The following P2RX1 variants were observed in gnomAD, a reference collection of about 807,000 sequenced individuals.
The protein encoded by P2RX1 is P2X purinoceptor 1.
A neutral mutation model predicts 50.3 loss-of-function variants in P2RX1; 42 were observed. The ratio of observed to expected loss-of-function variants is 0.83; its 90% CI spans 0.65 to 1.08. P2RX1 has a LOEUF of 1.08. P2RX1 is among the 50% of genes least tolerant of loss of function. The pLI is 0.00. For missense variants in P2RX1, 449 were observed against 529.0 expected (o/e 0.85, Z 1.48); for synonymous variants, 199 against 202.6 (o/e 0.98, Z 0.15).
At position 3,897,649 on chromosome 17, in the gene P2RX1, C is replaced by T; in HGVS notation, c.*165G>A. 1.5e-6 allele frequency: 1 copy of T among 678,214 alleles called. No individual in the cohort carries two copies. Among genetic ancestry groups the T allele is most frequent in the Non-Finnish European group, 2.6e-6 (1 of 379,088 alleles). The allele number at this position is 678,214 out of a possible 1,614,324, so 42.0% of individuals were successfully genotyped here. ...GGGTCGGAGCCGGAGCTCAGATTTG[C>T]ACAGGTCTCTCCTACTATGCACCCT... On this transcript the variant is annotated 3_prime_UTR_variant, in exon 12 of 12. Transcript: ENST00000225538.
intron 9 of P2RX1, 147 bp from the exon 10 acceptor site, chr17:3,898,696 G>A (rs2056079226): frequency 1.6e-5 from 12 of 753,502 alleles, no homozygotes; most frequent in Admixed American, 1.4e-4. Flanking sequence ...CTGCTGGTCA[G>A]TAGACCTGGG....
chr17:3,904,559 C>T lies in P2RX1; in HGVS notation c.358-160G>A, dbSNP rs1289411028. On this transcript the variant is annotated intron_variant, in intron 3 of 11. Transcript: ENST00000225538. ...AGCCTCCTTCCCCCATTTCCCCCCACACTGCTCTGCCGAGGCGCCCCCCGG... is the reference window on the plus strand; with the variant it reads ...AGCCTCCTTCCCCCATTTCCCCCCATACTGCTCTGCCGAGGCGCCCCCCGG... 7.1e-6 allele frequency: 5 copies of T among 708,052 alleles called. No homozygotes were observed. In the African/African-American group the frequency reaches 9.7e-5, roughly 14 times the overall value. 43.9% of individuals were successfully genotyped at this position (708,052 alleles called of 1,614,324 possible). A position where few individuals can be genotyped will look rare whatever the true frequency, so the allele number is the denominator to read the frequency against.
chr17:3,904,390 C>G lies in P2RX1; in HGVS notation c.367G>C (p.Gly123Arg), dbSNP rs767105665. ...CCACTGTCTTCCTTGCATATGCCCC[C>G]TTCTGGGTGCTGGGGGAGGCAAAAG... is the stretch of plus-strand genomic sequence containing the variant. ...TQGYCAEHPE[G>R]GICKEDSGCT... Residue 123 changes from glycine to arginine, a missense_variant, in exon 4 of 12, where the codon GGG (glycine) becomes CGG (arginine). By Grantham distance (125) the Gly-to-Arg change is moderately radical. Coordinates refer to ENST00000225538, the MANE Select transcript of P2RX1 (RefSeq NM_002558.4). 2 of 1,613,852 alleles carry G rather than the reference C, an allele frequency of 1.2e-6. No individual in the cohort carries two copies. The highest frequency in any genetic ancestry group is 3.3e-5 in the Admixed American group (2 of 59,988).
At chr17:3,904,491 G>T (rs936875136) in intron 3 of P2RX1, 92 bp from the exon 4 acceptor site, 4 of 1,090,830 alleles carry the variant, frequency 3.7e-6, no homozygotes, top group Non-Finnish European at 5.5e-6. Flanking sequence ...TAGGGAGAGC[G>T]TGGGGCAGAG....
Position 3,914,380 on chromosome 17 carries a change from A to G in P2RX1, c.137+1709T>C, listed in dbSNP as rs2056414801. Among the ~76,000 whole-genome samples, 1 of 151,806 alleles carries G rather than the reference A, an allele frequency of 6.6e-6. No homozygotes were observed. Among genetic ancestry groups the G allele is most frequent in the Admixed American group, 6.6e-5 (1 of 15,232 alleles). On this transcript the variant is annotated intron_variant, in intron 1 of 11. Coordinates refer to ENST00000225538, the MANE Select transcript of P2RX1 (RefSeq NM_002558.4). This position sits in a 1 kb window ranked among gnomAD's most constrained non-coding sequence, Gnocchi z 4.1. ...TAGTGAGGTCCCCGTCACTGGAGGT[A>G]TAGGTTCCCGGCTGGGCAGCAGCTT...
At chr17:3,909,140 C>T (rs2056319288) in intron 1 of P2RX1, among the ~76,000 whole-genome samples, 1 of 152,104 alleles carries the variant, frequency 6.6e-6, no homozygotes, top group South Asian at 2.1e-4. Context: ...AAGCAATTCT[C>T]CCACCTCAAC....
chr17:3,904,162 CAGGCCA>C, intron 4 of P2RX1, 138 bp from the exon 5 acceptor site: 1 of 991,874 alleles, frequency 1.0e-6, no homozygotes, highest in South Asian at 1.3e-5. Flanking sequence ...CCCGGACGGG[CAGGCCA>C]AGCCAGGGCG....
At position 3,905,360 on chromosome 17, in the gene P2RX1, A is replaced by G. The variant is rs1459638385; in HGVS notation, c.145T>C (p.Phe49Leu). The change falls in exon 2 of 12, where the codon TTT (phenylalanine) becomes CTT (leucine). Residue 49 changes from phenylalanine (F) to leucine (L), a missense_variant. Transcript: ENST00000225538. Reference protein sequence around the residue: ...VVLVYVIGWVFLYEKGYQTSS... With the variant: ...VVLVYVIGWVLLYEKGYQTSS... ...GTCTGGTAGCCCTTCTCATAGAGAA[A>G]CACCCACCTGTGCGGGTGGGGACAG... The G allele has an allele frequency of 1.9e-6, 3 of 1,613,502 alleles. No individual in the cohort carries two copies. The highest frequency in any genetic ancestry group is 1.1e-5 in the South Asian group (1 of 91,088).
intron 10 of P2RX1, 84 bp downstream of exon 10, chr17:3,898,400 G>T: frequency 1.8e-6 from 2 of 1,087,626 alleles, no homozygotes; most frequent in East Asian, 2.5e-5. Context: ...TCAAGTTTTA[G>T]GGTGAGGGAC....
At position 3,911,885 on chromosome 17, in the gene P2RX1, G is replaced by A. The variant is rs531840991; in HGVS notation, c.137+4204C>T. 9.2e-4 allele frequency among the ~76,000 whole-genome samples: 140 copies of A among 152,198 alleles called. 1 individual carries two copies. The highest frequency in any genetic ancestry group is 2.6e-3 in the African/African-American group (108 of 41,512). On this transcript the variant is annotated intron_variant, in intron 1 of 11. Transcript: ENST00000225538. ...CAGGCTCCTCCAATCAGGGCATTCC[G>A]TTTCCTTGACTGCAATGATTGATTG...
rs1238466015 is a variant in P2RX1, at chr17:3,916,123, G to A, written c.103C>T (p.Leu35=). 1.2e-6 allele frequency: 2 copies of A among 1,613,700 alleles called. No homozygotes were observed. The highest frequency in any genetic ancestry group is 3.3e-5 in the Admixed American group (2 of 60,022). The change falls in exon 1 of 12, where the codon CTG becomes TTG. Residue 35 remains leucine (L), a synonymous_variant. Transcript: ENST00000225538. The part of the protein sequence containing the change: ...RNKKVGVIFR[L]IQLVVLVYVI... Reference sequence around the variant, plus strand: ...TAGACCAGGACCACCAGCTGGATCAGTCGGAAGATAACGCCCACCTTCTTA... The same window carrying A: ...TAGACCAGGACCACCAGCTGGATCAATCGGAAGATAACGCCCACCTTCTTA...
rs201283721 is a variant in P2RX1, at chr17:3,905,340, G to A, written c.165C>T (p.Tyr55=). 7 of 1,613,858 alleles carry A rather than the reference G, an allele frequency of 4.3e-6. No homozygotes were observed. The African/African-American group carries it at 8.0e-5, about 18-fold the overall frequency. Residue 55 remains tyrosine, a synonymous_variant, in exon 2 of 12, where the codon TAC becomes TAT. Transcript: ENST00000225538. ...TGCTGATGAGGCCGCTCGAGGTCTG[G>A]TAGCCCTTCTCATAGAGAAACACCC... ...IGWVFLYEKG[Y]QTSSGLISSV...
rs974303595 is a variant in P2RX1, at chr17:3,914,607, G to A, written c.137+1482C>T. On this transcript the variant is annotated intron_variant, in intron 1 of 11. Transcript: ENST00000225538. This position sits in a 1 kb window ranked among gnomAD's most constrained non-coding sequence, Gnocchi z 4.1. ...GCCTGCGCAGACAGCCTCTCCCAGGGACGGTCAGGAGTGATACTAAGGGTG... is the reference window on the plus strand; with the variant it reads ...GCCTGCGCAGACAGCCTCTCCCAGGAACGGTCAGGAGTGATACTAAGGGTG... 1.3e-5 allele frequency among the ~76,000 whole-genome samples: 2 copies of A among 152,168 alleles called. No homozygotes were observed. Among genetic ancestry groups the A allele is most frequent in the Non-Finnish European group, 2.9e-5 (2 of 68,022 alleles).
rs192911930 is a variant in P2RX1, at chr17:3,915,835, C to T, written c.137+254G>A. The T allele has an allele frequency of 1.4e-5, 9 of 631,934 alleles. No homozygotes were observed. In the Admixed American group the frequency reaches 1.5e-4, roughly 10 times the overall value. The allele number at this position is 631,934 out of a possible 1,614,324, so 39.1% of individuals were successfully genotyped here. On this transcript the variant is annotated intron_variant, in intron 1 of 11. Coordinates refer to ENST00000225538, the MANE Select transcript of P2RX1 (RefSeq NM_002558.4). ...CACTCAAAGGAACCATAACACTGAG[C>T]CGGCTCCTCAGAACCCAGAGACTCT...
rs1277324181 is a variant in P2RX1, at chr17:3,914,597, C to T, written c.137+1492G>A. Among the ~76,000 whole-genome samples the T allele has an allele frequency of 1.3e-5, 2 of 152,180 alleles. No individual in the cohort carries two copies. Among genetic ancestry groups the T allele is most frequent in the African/African-American group, 2.4e-5 (1 of 41,436 alleles). On this transcript the variant is annotated intron_variant, in intron 1 of 11. Coordinates refer to ENST00000225538, the MANE Select transcript of P2RX1 (RefSeq NM_002558.4). The surrounding 1 kb of genome is among the most constrained non-coding windows in gnomAD (Gnocchi z 4.1). ...GGTAGGCTGGGCCTGCGCAGACAGC[C>T]TCTCCCAGGGACGGTCAGGAGTGAT...
At position 3,904,359 on chromosome 17, in the gene P2RX1, G is replaced by A; in HGVS notation, c.398C>T (p.Thr133Ile). The change falls in exon 4 of 12, where the codon ACC becomes ATC. Residue 133 changes from threonine (T) to isoleucine (I), a missense_variant. Physicochemically the swap from Thr to Ile is moderately conservative, Grantham distance 89. Transcript: ENST00000225538. ...GGICKEDSGC[T>I]PGKAKRKAQG... ...GGCCTTCCTCTTGGCCTTCCCAGGG[G>A]TACAGCCACTGTCTTCCTTGCATAT... is the stretch of plus-strand genomic sequence containing the variant. 6.2e-7 allele frequency: 1 copy of A among 1,614,056 alleles called. No individual in the cohort carries two copies. Among genetic ancestry groups the A allele is most frequent in the Non-Finnish European group, 8.5e-7 (1 of 1,179,978 alleles).
At position 3,916,316 on chromosome 17, in the gene P2RX1, C is replaced by G. The variant is rs962458576; in HGVS notation, c.-91G>C. 21 of 1,419,668 alleles carry G rather than the reference C, an allele frequency of 1.5e-5. No homozygotes were observed. In the African/African-American group the frequency reaches 2.6e-4, roughly 17 times the overall value. The allele number at this position is 1,419,668 out of a possible 1,614,324, so 87.9% of individuals were successfully genotyped here. A position where few individuals can be genotyped will look rare whatever the true frequency, so the allele number is the denominator to read the frequency against. ...GCCACCACCCACGTCGATGGTAGAG[C>G]TTCTGGGGGCTTCCTGGCCCCTTAG... On this transcript the variant is annotated 5_prime_UTR_variant, in exon 1 of 12. Coordinates refer to ENST00000225538, the MANE Select transcript of P2RX1 (RefSeq NM_002558.4).
In P2RX1 at chr17:3,897,531, T is replaced by C; in HGVS notation, c.*283A>G. On this transcript the variant is annotated 3_prime_UTR_variant, in exon 12 of 12. Coordinates refer to ENST00000225538, the MANE Select transcript of P2RX1 (RefSeq NM_002558.4). ...GAGTCCGGAGAGAGAAGCACGAAGC[T>C]AGGGTGCAGGTGTGTGGGAGGGTCC... 1.8e-6 allele frequency: 1 copy of C among 555,948 alleles called. No homozygotes were observed. Among genetic ancestry groups the C allele is most frequent in the Non-Finnish European group, 3.2e-6 (1 of 308,478 alleles). The allele number at this position is 555,948 out of a possible 1,614,324, so 34.4% of individuals were successfully genotyped here. A position where few individuals can be genotyped will look rare whatever the true frequency, so the allele number is the denominator to read the frequency against.
chr17:3,898,184 A>G, intron 10 of P2RX1, 74 bp from the exon 11 acceptor site: 1 of 1,280,788 alleles, frequency 7.8e-7, no homozygotes. Flanking sequence ...ATCCCACCTC[A>G]GTCCCTGGTG....
Sources: allele counts gnomAD v4.1 joint callset (sites outside exome capture counted in the v4.1 genomes callset), GRCh38; gene constraint gnomAD v4.1.1; non-coding constraint Gnocchi (gnomAD v3.1); transcripts MANE v1.5; gene names NCBI Gene and HGNC (gene_info 2026-07-23, HGNC 2026-07-21).